Variants in TENM3 observed in about 807,000 individuals in gnomAD.
TENM3 encodes teneurin transmembrane protein 3, also known as teneurin-3.
TENM3 carries 63 observed loss-of-function variants against 255.1 expected under a neutral mutation model. That is an observed-to-expected ratio of 0.25 (90% CI 0.20 to 0.30). The LOEUF (loss-of-function observed/expected upper bound fraction) is 0.30, where lower values mean the gene tolerates loss of function less well. TENM3 is among the 10% of genes least tolerant of loss of function. TENM3 has a pLI of 1.00. For synonymous variants in TENM3, 1,306 were observed against 1,322.3 expected (o/e 0.99, Z 0.27); for missense variants, 2,929 against 3,461.1 (o/e 0.85, Z 3.86).
the TENM3 span, among the ~76,000 whole-genome samples, chr4:181,942,049 C>T: frequency 7.5e-3 from 1,148 of 152,300 alleles, 8 homozygotes; most frequent in Middle Eastern, 0.024. Context: ...TTCCGGTGAC[C>T]TGCTTTCGGC....
intron 1 of TENM3, among the ~76,000 whole-genome samples, chr4:182,200,271 G>C (rs563940185): frequency 2.6e-5 from 4 of 152,136 alleles, no homozygotes; most frequent in Admixed American, 6.5e-5. Flanking sequence ...AAAAACTTAG[G>C]TGTTAGAAAT....
the TENM3 span, among the ~76,000 whole-genome samples, chr4:181,981,499 CAAG>C: frequency 6.6e-6 from 1 of 151,978 alleles, no homozygotes; most frequent in East Asian, 1.9e-4. Flanking sequence ...GTATTAAAAA[CAAG>C]AGATTATAAG....
intron 4 of TENM3, among the ~76,000 whole-genome samples, chr4:182,607,725 A>T (rs1268912423): frequency 6.6e-6 from 1 of 152,232 alleles, no homozygotes; most frequent in Non-Finnish European, 1.5e-5. Flanking sequence ...GAAAGTATGC[A>T]TTAATCATTT....
At chr4:181,720,439 C>A in the TENM3 span, among the ~76,000 whole-genome samples, 1 of 152,110 alleles carries the variant, frequency 6.6e-6, no homozygotes. Context: ...TGTGGTGTTA[C>A]AGGCTGCATT....
At chr4:182,442,275 A>G (rs1167329375) in intron 3 of TENM3, among the ~76,000 whole-genome samples, 1 of 152,224 alleles carries the variant, frequency 6.6e-6, no homozygotes, top group African/African-American at 2.4e-5. Context: ...ATCTAAATTT[A>G]TTTGTCAATA....
At chr4:182,191,366 G>A (rs1366000337) in intron 1 of TENM3, among the ~76,000 whole-genome samples, 1 of 151,888 alleles carries the variant, frequency 6.6e-6, no homozygotes, top group Non-Finnish European at 1.5e-5. Flanking sequence ...CCTTTTCTCC[G>A]GCTCTCTCCT....
At chr4:182,238,487 C>G (rs910773897), upstream of TENM3, among the ~76,000 whole-genome samples, 1 of 152,120 alleles carries the variant, frequency 6.6e-6, no homozygotes, top group Non-Finnish European at 1.5e-5. Flanking sequence ...GCTGTGTGTC[C>G]TCATCACCCT....
intron 22 of TENM3, among the ~76,000 whole-genome samples, chr4:182,770,702 G>T (rs1764130675): frequency 6.6e-6 from 1 of 152,210 alleles, no homozygotes; most frequent in Non-Finnish European, 1.5e-5. Context: ...AGCCTCACAG[G>T]ACACTCATTT....
chr4:181,801,697 T>TAG, the TENM3 span, among the ~76,000 whole-genome samples: 1 of 131,680 alleles, frequency 7.6e-6, no homozygotes, highest in Non-Finnish European at 1.6e-5. Context: ...TATATATATA[T>TAG]GCAACAATGA....
chr4:182,211,707 A>G (rs1755051800), intron 1 of TENM3, among the ~76,000 whole-genome samples: 1 of 152,236 alleles, frequency 6.6e-6, no homozygotes, highest in Non-Finnish European at 1.5e-5. Context: ...GAACTTTATC[A>G]TGATGAGGCA....
intron 1 of TENM3, among the ~76,000 whole-genome samples, chr4:182,256,178 C>G (rs1758382356): frequency 6.6e-6 from 1 of 152,136 alleles, no homozygotes; most frequent in East Asian, 1.9e-4. Context: ...TATTTCGACC[C>G]TAAAGTTATA....
intron 24 of TENM3, among the ~76,000 whole-genome samples, chr4:182,775,406 A>T (rs1174439374): frequency 6.6e-6 from 1 of 152,218 alleles, no homozygotes; most frequent in Non-Finnish European, 1.5e-5. Flanking sequence ...TCAGGAGTGA[A>T]GGTAAAGCCA....
intron 13 of TENM3, 34 bp from the exon 14 acceptor site, chr4:182,728,931 A>G (rs2152707980): frequency 6.3e-7 from 1 of 1,583,674 alleles, no homozygotes; most frequent in Non-Finnish European, 8.7e-7. Flanking sequence ...ATCAAAAGGA[A>G]AATTCTCTTA....
chr4:182,615,449 G>A (rs1285477300), intron 4 of TENM3, among the ~76,000 whole-genome samples: 1 of 152,112 alleles, frequency 6.6e-6, no homozygotes, highest in East Asian at 1.9e-4. Context: ...AGAGTCCCAA[G>A]AGAAAAGGAA....
intron 1 of TENM3, among the ~76,000 whole-genome samples, chr4:182,209,405 T>C (rs1029470182): frequency 3.3e-5 from 5 of 152,094 alleles, no homozygotes; most frequent in Non-Finnish European, 7.3e-5. Flanking sequence ...TGCATGCTCA[T>C]GCAGTAGAGC....
the TENM3 span, among the ~76,000 whole-genome samples, chr4:181,786,136 G>GA: frequency 6.6e-6 from 1 of 152,014 alleles, no homozygotes; most frequent in Non-Finnish European, 1.5e-5. Flanking sequence ...CCGTCTAAGA[G>GA]AAAAAACAAT....
At chr4:181,734,943 A>G in the TENM3 span, among the ~76,000 whole-genome samples, 3 of 152,198 alleles carry the variant, frequency 2.0e-5, no homozygotes, top group Non-Finnish European at 4.4e-5. Context: ...GTTGAATATT[A>G]AAAAGTTAAA....
At chr4:181,666,443 A>C in the TENM3 span, among the ~76,000 whole-genome samples, 1 of 152,194 alleles carries the variant, frequency 6.6e-6, no homozygotes, top group Non-Finnish European at 1.5e-5. Flanking sequence ...ACAATTAAGC[A>C]GTAGATTCAC....
At chr4:181,978,760 AG>A in the TENM3 span, among the ~76,000 whole-genome samples, 1 of 151,656 alleles carries the variant, frequency 6.6e-6, no homozygotes, top group Non-Finnish European at 1.5e-5. Context: ...TGGGAAGTTC[AG>A]GTGGGAATTG....
Sources: gnomAD v4.1 joint callset for allele counts (sites outside exome capture counted in the v4.1 genomes callset) on GRCh38, gnomAD v4.1.1 for gene constraint, MANE v1.5 for transcripts, NCBI Gene and HGNC (gene_info 2026-07-23, HGNC 2026-07-21) for gene names.